KCNJ6: variants seen among roughly 807,000 people sequenced by gnomAD.
KCNJ6 encodes the protein potassium inwardly rectifying channel subfamily J member 6.
KCNJ6 carries 9 observed loss-of-function variants against 34.2 expected under a neutral mutation model. That is an observed-to-expected ratio of 0.26 (90% CI 0.16 to 0.46). KCNJ6 has a LOEUF of 0.46. Ranked by LOEUF, KCNJ6 falls within the 20% of genes least tolerant of loss-of-function variation. The pLI is 1.00. For synonymous variants in KCNJ6, 196 were observed against 207.1 expected (o/e 0.95, Z 0.46); for missense variants, 236 against 531.3 (o/e 0.44, Z 5.46).
intron 2 of KCNJ6, among the ~76,000 whole-genome samples, chr21:37,796,791 T>C (rs1021361552): frequency 6.8e-5 from 9 of 132,052 alleles, no homozygotes; most frequent in African/African-American, 2.3e-4. Flanking sequence ...TTTTTTTTTT[T>C]TTTTTTTTTT....
chr21:37,729,716 T>C (rs939073053), intron 2 of KCNJ6, among the ~76,000 whole-genome samples: 1 of 152,224 alleles, frequency 6.6e-6, no homozygotes, highest in Admixed American at 6.5e-5. Flanking sequence ...TGTACAGCGA[T>C]ATAGGTTGTC....
intron 1 of KCNJ6, among the ~76,000 whole-genome samples, chr21:37,863,180 T>G (rs2055603429): frequency 6.6e-6 from 1 of 152,258 alleles, no homozygotes; most frequent in South Asian, 2.1e-4. Context: ...TTAGGCACAG[T>G]AATTCCTGAT....
At chr21:37,770,993 C>T (rs1396709132) in intron 2 of KCNJ6, among the ~76,000 whole-genome samples, 2 of 152,090 alleles carry the variant, frequency 1.3e-5, no homozygotes, top group Admixed American at 1.3e-4. Context: ...AAGGACTTTG[C>T]GTCGTTTTCT....
At chr21:37,635,642 T>G (rs898470852) in intron 3 of KCNJ6, among the ~76,000 whole-genome samples, 1 of 151,996 alleles carries the variant, frequency 6.6e-6, no homozygotes, top group African/African-American at 2.4e-5. Context: ...TTCAGCCTCC[T>G]GAGTAGCTGG....
intron 3 of KCNJ6, among the ~76,000 whole-genome samples, chr21:37,684,131 T>C (rs1465754445): frequency 1.4e-5 from 2 of 145,950 alleles, no homozygotes; most frequent in East Asian, 2.0e-4. Flanking sequence ...ATGACAGAAA[T>C]GTATGGTCTC....
chr21:37,784,385 C>A (rs116756622), intron 2 of KCNJ6, among the ~76,000 whole-genome samples: 1 of 152,256 alleles, frequency 6.6e-6, no homozygotes, highest in Non-Finnish European at 1.5e-5. Flanking sequence ...CCAGACCGAG[C>A]CTTCTGCCTT....
intron 3 of KCNJ6, among the ~76,000 whole-genome samples, chr21:37,667,310 G>T (rs9975926): frequency 1.2e-4 from 19 of 152,028 alleles, no homozygotes; most frequent in Admixed American, 2.6e-4. Context: ...TTGAATTGGA[G>T]AATTCTCTAC....
chr21:37,649,157 A>AAAAAAAAAAAAAAAC (rs755535850), intron 3 of KCNJ6, among the ~76,000 whole-genome samples: 1 of 134,020 alleles, frequency 7.5e-6, no homozygotes, highest in Non-Finnish European at 1.6e-5. Flanking sequence ...AAAAAAAAGA[A>AAAAAAAAAAAAAAAC]AGAAAAAGAA....
chr21:37,786,462 A>C (rs2055193066), intron 2 of KCNJ6, among the ~76,000 whole-genome samples: 2 of 152,326 alleles, frequency 1.3e-5, no homozygotes, highest in African/African-American at 2.4e-5. Flanking sequence ...AGAATGGAGA[A>C]GACTGTCAGA....
At chr21:37,846,186 G>C (rs1263394473) in intron 1 of KCNJ6, among the ~76,000 whole-genome samples, 4 of 152,200 alleles carry the variant, frequency 2.6e-5, no homozygotes, top group Non-Finnish European at 5.9e-5. Flanking sequence ...GTGGGGGTGT[G>C]TGTGTAATTT....
At chr21:37,717,234 T>C (rs950235250) in intron 2 of KCNJ6, 3 of 154,236 alleles carry the variant, frequency 1.9e-5, no homozygotes, top group African/African-American at 7.2e-5. Context: ...AGTCATTCAT[T>C]TGTAAGAAAA....
chr21:37,804,822 T>C lies in KCNJ6; in HGVS notation c.25+35836A>G, dbSNP rs555147318. On this transcript the variant is annotated intron_variant, in intron 2 of 3. Transcript: ENST00000609713. ...CACATTTTCTTTACCCAGTCTATCA[T>C]TGATGGGCATTGTTGAGTCTATGTC... Among the ~76,000 whole-genome samples the C allele has an allele frequency of 7.9e-5, 12 of 152,196 alleles. No individual in the cohort carries two copies. The South Asian group carries it at 8.3e-4, about 11-fold the overall frequency.
chr21:37,738,545 C>CCTG (rs1429183003), intron 2 of KCNJ6, among the ~76,000 whole-genome samples: 1 of 152,180 alleles, frequency 6.6e-6, no homozygotes, highest in Non-Finnish European at 1.5e-5. Context: ...CTTTGCCTTG[C>CCTG]CTGCAGAACT....
intron 3 of KCNJ6, among the ~76,000 whole-genome samples, chr21:37,709,144 C>T (rs374188049): frequency 3.9e-5 from 6 of 152,006 alleles, no homozygotes; most frequent in Non-Finnish European, 7.4e-5. Context: ...ACAGAAGAAC[C>T]TTAAAGGAAA....
intron 2 of KCNJ6, among the ~76,000 whole-genome samples, chr21:37,727,940 C>G (rs1055278555): frequency 6.6e-6 from 1 of 152,286 alleles, no homozygotes; most frequent in East Asian, 1.9e-4. Context: ...AATCACAGAT[C>G]AAGCAAAGCC....
intron 2 of KCNJ6, among the ~76,000 whole-genome samples, chr21:37,730,402 C>G (rs1225905121): frequency 1.3e-5 from 2 of 152,154 alleles, no homozygotes; most frequent in Non-Finnish European, 2.9e-5. Context: ...CCACTTCTGC[C>G]TCAGAGTCTG....
intron 2 of KCNJ6, among the ~76,000 whole-genome samples, chr21:37,781,288 A>C (rs1054183930): frequency 6.6e-6 from 1 of 152,210 alleles, no homozygotes; most frequent in Non-Finnish European, 1.5e-5. Context: ...TTGTGTGACA[A>C]ATATTTTCGT....
intron 2 of KCNJ6, among the ~76,000 whole-genome samples, chr21:37,740,181 T>C (rs1418308873): frequency 6.6e-6 from 1 of 152,228 alleles, no homozygotes; most frequent in East Asian, 1.9e-4. Context: ...CTGAGTGGAC[T>C]TCTTCCTTGG....
chr21:37,870,963 G>A (rs2055648684), intron 1 of KCNJ6, among the ~76,000 whole-genome samples: 1 of 152,178 alleles, frequency 6.6e-6, no homozygotes, highest in African/African-American at 2.4e-5. Context: ...AGTCTTGGAA[G>A]ATGCACCATT....
Sources: gnomAD v4.1 joint callset for allele counts (sites outside exome capture counted in the v4.1 genomes callset) on GRCh38, gnomAD v4.1.1 for gene constraint, MANE v1.5 for transcripts, NCBI Gene and HGNC (gene_info 2026-07-23, HGNC 2026-07-21) for gene names.